CDH2: variants seen among roughly 807,000 people sequenced by gnomAD.
CDH2 encodes cadherin 2.
CDH2 carries 17 observed loss-of-function variants against 92.0 expected under a neutral mutation model. That is an observed-to-expected ratio of 0.18 (90% CI 0.13 to 0.28). CDH2 has a LOEUF of 0.28. Among genes scored for constraint, CDH2 ranks in the 10% least tolerant of loss-of-function variants. The pLI, the probability that CDH2 is intolerant of heterozygous loss-of-function variation, is 1.00. For synonymous variants in CDH2, 419 were observed against 415.9 expected (o/e 1.01, Z -0.09); for missense variants, 862 against 1,133.1 (o/e 0.76, Z 3.44).
chr18:28,015,455 G>T (rs2013218791), intron 2 of CDH2, among the ~76,000 whole-genome samples: 1 of 152,066 alleles, frequency 6.6e-6, no homozygotes, highest in Non-Finnish European at 1.5e-5. Context: ...TGAAAAATGG[G>T]AATCTTTTCT....
At chr18:28,045,922 T>C (rs747074268) in intron 2 of CDH2, among the ~76,000 whole-genome samples, 31 of 152,240 alleles carry the variant, frequency 2.0e-4, no homozygotes, top group Non-Finnish European at 4.6e-4. Flanking sequence ...CTGGAGTCTG[T>C]AGACATTCAG....
chr18:27,993,513 A>G lies in CDH2; in HGVS notation c.1145T>C (p.Phe382Ser). 6.2e-7 allele frequency: 1 copy of G among 1,613,942 alleles called. No individual in the cohort carries two copies. The highest frequency in any genetic ancestry group is 2.2e-5 in the East Asian group (1 of 44,882). ...VTDVNDNPPE[F>S]TAMTFYGEVP... ...GGCTGTACTCACCGTCATGGCAGTA[A>G]ACTCTGGAGGATTGTCATTGACATC... Residue 382 changes from phenylalanine (F) to serine (S), a missense_variant, in exon 8 of 16, where the codon TTT becomes TCT. Physicochemically the swap from Phe to Ser is radical, Grantham distance 155 (BLOSUM62 -2). Coordinates refer to ENST00000269141, the MANE Select transcript of CDH2 (RefSeq NM_001792.5).
intron 2 of CDH2, among the ~76,000 whole-genome samples, chr18:28,068,634 G>C (rs1015700776): frequency 3.9e-5 from 6 of 152,190 alleles, no homozygotes; most frequent in African/African-American, 1.2e-4. Context: ...AGCCTTGTTC[G>C]AGACTATTGA....
At chr18:28,107,837 G>A (rs764204439) in intron 2 of CDH2, among the ~76,000 whole-genome samples, 1 of 151,780 alleles carries the variant, frequency 6.6e-6, no homozygotes, top group South Asian at 2.1e-4. Context: ...TTCTAGCCCC[G>A]CTAACACTTT....
At chr18:28,103,800 C>T (rs2015276286) in intron 2 of CDH2, among the ~76,000 whole-genome samples, 2 of 152,034 alleles carry the variant, frequency 1.3e-5, no homozygotes, top group Non-Finnish European at 1.5e-5. Context: ...TGGTTTCCAG[C>T]TTCATCCATG....
chr18:27,962,052 T>C (rs2011418821), intron 15 of CDH2, among the ~76,000 whole-genome samples: 1 of 152,230 alleles, frequency 6.6e-6, no homozygotes, highest in African/African-American at 2.4e-5. Flanking sequence ...CAATTTCTTA[T>C]GATGACAAAC....
At chr18:27,988,936 T>A (rs758579814) in intron 10 of CDH2, among the ~76,000 whole-genome samples, 1 of 152,200 alleles carries the variant, frequency 6.6e-6, no homozygotes, top group Non-Finnish European at 1.5e-5. Flanking sequence ...CTAAAGCAGA[T>A]TGGAAAGTTA....
At chr18:28,082,884 C>T (rs748696648) in intron 2 of CDH2, among the ~76,000 whole-genome samples, 2 of 152,130 alleles carry the variant, frequency 1.3e-5, no homozygotes, top group Non-Finnish European at 2.9e-5. Context: ...CTGGATTGTA[C>T]CAACTAGAAG....
intron 6 of CDH2, among the ~76,000 whole-genome samples, chr18:27,934,543 C>A (rs1338900964): frequency 1.3e-5 from 2 of 152,152 alleles, no homozygotes; most frequent in African/African-American, 4.8e-5. Context: ...TCTAAACCAG[C>A]ATCTCCCTTA....
At chr18:27,936,347 C>T (rs548132770) in intron 6 of CDH2, among the ~76,000 whole-genome samples, 40 of 152,222 alleles carry the variant, frequency 2.6e-4, no homozygotes, top group African/African-American at 9.4e-4. Context: ...GAGTAACTGA[C>T]GATTCTGGGA....
Position 27,951,707 on chromosome 18 carries a change from A to G in CDH2, c.*446T>C, listed in dbSNP as rs1459382142. On this transcript the variant is annotated 3_prime_UTR_variant, in exon 16 of 16. Coordinates refer to ENST00000269141, the MANE Select transcript of CDH2 (RefSeq NM_001792.5). Reference sequence around the variant, plus strand: ...TGGTCTCATCCCCCAAGATAATAAAATCGCTCCATGAGTTTTTTTGTTTGT... The same window carrying G: ...TGGTCTCATCCCCCAAGATAATAAAGTCGCTCCATGAGTTTTTTTGTTTGT... 1 of 156,776 alleles carries G rather than the reference A, an allele frequency of 6.4e-6. No individual in the cohort carries two copies. The highest frequency in any genetic ancestry group is 1.9e-4 in the East Asian group (1 of 5,404). 9.7% of individuals were successfully genotyped at this position (156,776 alleles called of 1,614,324 possible).
At chr18:28,036,428 TA>T in intron 2 of CDH2, 1 of 906,510 alleles carries the variant, frequency 1.1e-6, no homozygotes, top group South Asian at 1.3e-5. Flanking sequence ...CCAAGTTAAC[TA>T]AATCACCATG....
At position 27,983,050 on chromosome 18, in the gene CDH2, C is replaced by A. The variant is rs762994164; in HGVS notation, c.2243G>T (p.Arg748Leu). The A allele has an allele frequency of 6.2e-7, 1 of 1,612,642 alleles. No homozygotes were observed. The change falls in exon 14 of 16, where the codon CGC becomes CTC. Residue 748 changes from arginine (R) to leucine (L), a missense_variant. Around this residue, in one of 5 missense-constraint regions of CDH2, gnomAD observed 564 missense variants for 722.2 expected, o/e 0.78. Transcript: ENST00000269141. ...LVLMFVVWMK[R>L]RDKERQAKQL... is the part of the protein sequence containing the mutation. ...TTTGGCCTGGCGTTCTTTATCCCGGCGTTTCATCCATACCACAAACATCAG... is the reference window on the plus strand; with the variant it reads ...TTTGGCCTGGCGTTCTTTATCCCGGAGTTTCATCCATACCACAAACATCAG...
intron 1 of CDH2, among the ~76,000 whole-genome samples, chr18:28,156,011 C>G (rs1185524157): frequency 6.6e-6 from 1 of 152,144 alleles, no homozygotes; most frequent in East Asian, 1.9e-4. Flanking sequence ...AAGTACCATT[C>G]TGGAAGGAGA....
chr18:28,138,842 T>C (rs1373319014), intron 2 of CDH2, among the ~76,000 whole-genome samples: 1 of 152,102 alleles, frequency 6.6e-6, no homozygotes, highest in Non-Finnish European at 1.5e-5. Context: ...AACGTTATGC[T>C]TCAGTTAAAC....
intron 2 of CDH2, among the ~76,000 whole-genome samples, chr18:28,114,432 T>C (rs1440511302): frequency 1.3e-5 from 2 of 152,110 alleles, no homozygotes; most frequent in African/African-American, 2.4e-5. Flanking sequence ...ATTTTTTCTA[T>C]TGGTCCTCAT....
chr18:27,935,116 A>G (rs756795322), intron 6 of CDH2, among the ~76,000 whole-genome samples: 47 of 152,256 alleles, frequency 3.1e-4, no homozygotes, highest in Admixed American at 5.2e-4. Context: ...TGGGAAACTT[A>G]GCCTTCCACA....
chr18:28,022,827 T>C (rs2013447693), intron 2 of CDH2, among the ~76,000 whole-genome samples: 1 of 152,176 alleles, frequency 6.6e-6, no homozygotes, highest in African/African-American at 2.4e-5. Context: ...TTTATCCTTT[T>C]TTGAAAGTTT....
At chr18:27,998,226 G>A (rs1567956758) in intron 7 of CDH2, among the ~76,000 whole-genome samples, 1 of 152,184 alleles carries the variant, frequency 6.6e-6, no homozygotes, top group Non-Finnish European at 1.5e-5. Context: ...TGCTGGCACT[G>A]TTCCAAGGGC....
Sources: gnomAD v4.1 joint callset for allele counts (sites outside exome capture counted in the v4.1 genomes callset) on GRCh38, gnomAD v4.1.1 for gene constraint, gnomAD v4.1.1 regional missense constraint, MANE v1.5 for transcripts, NCBI Gene and HGNC (gene_info 2026-07-23, HGNC 2026-07-21) for gene names.